Variants in MAP4K4 observed in about 807,000 individuals in gnomAD.
The protein encoded by MAP4K4 is mitogen-activated protein kinase kinase kinase kinase 4, also known as HPK/GCK-like kinase HGK.
In MAP4K4, 38 loss-of-function variants were observed where a neutral mutation model predicts 189.6. The ratio of observed to expected loss-of-function variants is 0.20; its 90% confidence interval spans 0.15 to 0.26. The LOEUF (loss-of-function observed/expected upper bound fraction) is 0.26, where lower values mean the gene tolerates loss of function less well. Among genes scored for constraint, MAP4K4 ranks in the 10% least tolerant of loss-of-function variants. MAP4K4 has a pLI of 1.00. For synonymous variants in MAP4K4, 610 were observed against 624.3 expected, an observed-to-expected ratio of 0.98 and a Z score of 0.34; for missense variants, 1,054 against 1,726.9, an observed-to-expected ratio of 0.61 and a Z score of 6.91.
At chr2:101,737,449 ATATATATATATATTTTTTTTT>A (rs1367408573) in intron 2 of MAP4K4, among the ~76,000 whole-genome samples, 10 of 33,472 alleles carry the variant, frequency 3.0e-4, no homozygotes, top group Admixed American at 3.9e-4. Flanking sequence ...ATATATATAT[ATATATATATATATTTTTTTTT>A]TTTTTTTTTT....
chr2:101,770,005 C>CA (rs1295556893), intron 2 of MAP4K4, among the ~76,000 whole-genome samples: 2 of 152,172 alleles, frequency 1.3e-5, no homozygotes, highest in Non-Finnish European at 2.9e-5. Flanking sequence ...TGAGGTAAAA[C>CA]ATTCTGGCTT....
In MAP4K4 at chr2:101,884,368, A is replaced by G. The variant is rs1392484120; in HGVS notation, c.3521-819A>G. Reference sequence around the variant, plus strand: ...CTATCATCGCAGAAGTCTATGAAACAGTACCGGTTTTGTCAGACTGTTATA... The same window carrying G: ...CTATCATCGCAGAAGTCTATGAAACGGTACCGGTTTTGTCAGACTGTTATA... On this transcript the variant is annotated intron_variant, in intron 28 of 32. Transcript: ENST00000324219. 2.6e-5 allele frequency among the ~76,000 whole-genome samples: 4 copies of G among 152,358 alleles called. No homozygotes were observed. In the East Asian group the frequency reaches 7.7e-4, roughly 29 times the overall value.
intron 2 of MAP4K4, among the ~76,000 whole-genome samples, chr2:101,711,797 C>A (rs578129203): frequency 9.9e-5 from 15 of 152,008 alleles, no homozygotes; most frequent in African/African-American, 3.1e-4. Context: ...TTAGACGTTT[C>A]ATTAGTTTTC....
intron 2 of MAP4K4, among the ~76,000 whole-genome samples, chr2:101,717,567 T>C (rs536070017): frequency 1.3e-5 from 2 of 152,358 alleles, no homozygotes; most frequent in South Asian, 2.1e-4. Context: ...CATAGACTTC[T>C]GTCATTAGAG....
At chr2:101,829,690 T>C in intron 6 of MAP4K4, 96 bp downstream of exon 6, 1 of 794,740 alleles carries the variant, frequency 1.3e-6, no homozygotes, top group South Asian at 1.5e-5. Context: ...AGTTCAGTCT[T>C]ACCCATGTTT....
At chr2:101,845,187 A>AT (rs2097059637) in intron 12 of MAP4K4, among the ~76,000 whole-genome samples, 1 of 138,504 alleles carries the variant, frequency 7.2e-6, no homozygotes, top group Non-Finnish European at 1.6e-5. Flanking sequence ...AAAAATAAAA[A>AT]TAAAAAAAAA....
At chr2:101,728,629 C>G (rs934033192) in intron 2 of MAP4K4, among the ~76,000 whole-genome samples, 1 of 152,184 alleles carries the variant, frequency 6.6e-6, no homozygotes, top group Non-Finnish European at 1.5e-5. Context: ...AGCAGTTCTT[C>G]TGCCTCAGCC....
In MAP4K4 at chr2:101,731,782, G is replaced by C. The variant is rs559777405; in HGVS notation, c.123+33244G>C. 7.9e-5 allele frequency among the ~76,000 whole-genome samples: 12 copies of C among 151,318 alleles called. 1 individual carries two copies. The highest frequency in any genetic ancestry group is 2.9e-5 in the Non-Finnish European group (2 of 67,848). ...AAAAAAAAAAAAAGATGGAGGGGAG[G>C]GGTAGGGGAAAATAAAGGGAATTTT... On this transcript the variant is annotated intron_variant, in intron 2 of 32. Coordinates refer to ENST00000324219, the Ensembl canonical transcript of MAP4K4.
intron 2 of MAP4K4, among the ~76,000 whole-genome samples, chr2:101,699,635 C>T (rs1240492856): frequency 6.6e-6 from 1 of 152,132 alleles, no homozygotes. Flanking sequence ...TAGACCTTTT[C>T]TTAGGCTAGA....
chr2:101,767,593 A>G (rs1202224924), intron 2 of MAP4K4, among the ~76,000 whole-genome samples: 1 of 152,190 alleles, frequency 6.6e-6, no homozygotes, highest in Admixed American at 6.5e-5. Flanking sequence ...CAGAAAGTAC[A>G]CCAGTGCTAA....
intron 3 of MAP4K4, among the ~76,000 whole-genome samples, chr2:101,804,820 G>A (rs1464738112): frequency 2.6e-5 from 4 of 152,000 alleles, no homozygotes; most frequent in Non-Finnish European, 1.5e-5. Flanking sequence ...GGTGGCTTAC[G>A]CCTGTAATCC....
intron 2 of MAP4K4, among the ~76,000 whole-genome samples, chr2:101,720,309 G>A (rs1305057506): frequency 1.3e-5 from 2 of 151,644 alleles, no homozygotes; most frequent in Non-Finnish European, 1.5e-5. Context: ...GAGTCGCCAG[G>A]ATTACAGGCG....
exon 28 of MAP4K4, chr2:101,882,684 T>C (rs772148582): frequency 6.3e-7 from 1 of 1,577,940 alleles, no homozygotes; most frequent in Non-Finnish European, 8.6e-7. Flanking sequence ...ATTATAAAGT[T>C]GGTAAGTTCT....
At chr2:101,883,398 C>T (rs2150239477) in intron 28 of MAP4K4, among the ~76,000 whole-genome samples, 1 of 152,132 alleles carries the variant, frequency 6.6e-6, no homozygotes, top group East Asian at 1.9e-4. Context: ...ATGGTGCGAT[C>T]TCAGCTCACT....
intron 2 of MAP4K4, among the ~76,000 whole-genome samples, chr2:101,768,005 T>G (rs74951301): frequency 2.1e-3 from 327 of 152,344 alleles, no homozygotes; most frequent in Non-Finnish European, 3.9e-3. Context: ...CAGGAGTGTT[T>G]TGGAGTAGGT....
intron 17 of MAP4K4, among the ~76,000 whole-genome samples, chr2:101,864,499 C>G (rs1441446073): frequency 1.3e-5 from 2 of 152,002 alleles, no homozygotes; most frequent in Non-Finnish European, 2.9e-5. Flanking sequence ...CAAAGGAGCC[C>G]ATGTCAATTT....
intron 27 of MAP4K4, among the ~76,000 whole-genome samples, chr2:101,881,042 A>T (rs1472919798): frequency 6.6e-6 from 1 of 151,902 alleles, no homozygotes; most frequent in Admixed American, 6.6e-5. Context: ...AATTGCATTG[A>T]CTCTGTGGAT....
intron 2 of MAP4K4, among the ~76,000 whole-genome samples, chr2:101,746,456 G>A (rs778602627): frequency 5.9e-5 from 9 of 151,874 alleles, no homozygotes; most frequent in Non-Finnish European, 1.2e-4. Flanking sequence ...TGGATTTGTT[G>A]TTCTGCCATG....
intron 7 of MAP4K4, among the ~76,000 whole-genome samples, chr2:101,832,384 A>G (rs974216649): frequency 1.3e-5 from 2 of 152,224 alleles, no homozygotes; most frequent in Non-Finnish European, 2.9e-5. Context: ...GTTTACAAAA[A>G]CTATTTTTAA....
Sources: gnomAD v4.1 joint callset for allele counts (sites outside exome capture counted in the v4.1 genomes callset) on GRCh38, gnomAD v4.1.1 for gene constraint, MANE v1.5 for transcripts, NCBI Gene and HGNC (gene_info 2026-07-23, HGNC 2026-07-21) for gene names.